RAD18: variants seen among roughly 807,000 people sequenced by gnomAD.
RAD18 encodes E3 ubiquitin-protein ligase RAD18.
Under a neutral mutation model 60.4 loss-of-function variants are expected in RAD18, and 47 were observed. The ratio of observed to expected loss-of-function variants is 0.78; its 90% CI spans 0.62 to 0.99. RAD18 has a LOEUF of 0.99. Ranked by LOEUF, RAD18 falls within the 50% of genes least tolerant of loss-of-function variation. RAD18 has a pLI of 0.00. For synonymous variants in RAD18, 225 were observed against 195.5 expected (o/e 1.15, Z -1.26); for missense variants, 640 against 593.3 (o/e 1.08, Z -0.82).
intron 11 of RAD18, among the ~76,000 whole-genome samples, chr3:8,898,424 CTATA>C (rs756832652): frequency 1.7e-4 from 26 of 149,496 alleles, no homozygotes; most frequent in Non-Finnish European, 2.9e-4. Context: ...AAAATAAACC[CTATA>C]TATTTTTTAA....
chr3:8,928,740 T>C (rs1330170549), intron 7 of RAD18, among the ~76,000 whole-genome samples: 4 of 152,200 alleles, frequency 2.6e-5, no homozygotes, highest in African/African-American at 7.2e-5. Context: ...TGCTGAAGAC[T>C]TGAATATACT....
chr3:8,949,664 GGA>G (rs1002291310), intron 2 of RAD18, among the ~76,000 whole-genome samples: 4 of 149,488 alleles, frequency 2.7e-5, no homozygotes, highest in Non-Finnish European at 2.9e-5. Flanking sequence ...TCCCCGAACT[GGA>G]GAGAGAGAGG....
At chr3:8,907,943 G>A (rs1940041078) in intron 9 of RAD18, among the ~76,000 whole-genome samples, 1 of 152,178 alleles carries the variant, frequency 6.6e-6, no homozygotes, top group Non-Finnish European at 1.5e-5. Context: ...CTCTTGCAAG[G>A]AGTGGCCAGC....
In RAD18 at chr3:8,921,313, A is replaced by G. The variant is rs565122777; in HGVS notation, c.890-7593T>C. ...GCAAAATTAAGACTTTTTCAGACAA[A>G]CAGAAGCTGAGAGAATCTGTCTCAA... On this transcript the variant is annotated intron_variant, in intron 7 of 12. Transcript: ENST00000264926. Among the ~76,000 whole-genome samples, 55 of 152,302 alleles carry G rather than the reference A, an allele frequency of 3.6e-4. No homozygotes were observed. The South Asian group carries it at 0.011, about 31-fold the overall frequency.
intron 11 of RAD18, among the ~76,000 whole-genome samples, chr3:8,894,177 G>A (rs1939745623): frequency 6.6e-6 from 1 of 152,138 alleles, no homozygotes; most frequent in South Asian, 2.1e-4. Context: ...CCAGAGTTAA[G>A]AATACGCTCT....
At chr3:8,939,750 A>T (rs1940715812) in intron 5 of RAD18, 97 bp from the exon 6 acceptor site, 3 of 1,019,652 alleles carry the variant, frequency 2.9e-6, no homozygotes, top group Non-Finnish European at 4.3e-6. Context: ...GTAAAAAAGA[A>T]TCCCAACTTA....
intron 12 of RAD18, among the ~76,000 whole-genome samples, chr3:8,888,194 C>T (rs45488692): frequency 2.6e-5 from 4 of 152,296 alleles, no homozygotes; most frequent in East Asian, 1.9e-4. Flanking sequence ...TGGACCTGCA[C>T]GGTGTGCCAT....
intron 1 of RAD18, among the ~76,000 whole-genome samples, chr3:8,959,303 C>A (rs1941060328): frequency 1.3e-5 from 2 of 152,214 alleles, no homozygotes; most frequent in Admixed American, 6.5e-5. Flanking sequence ...ACTTCTGTTC[C>A]ACTTCTAATG....
chr3:8,937,767 A>C (rs899658818), intron 6 of RAD18, among the ~76,000 whole-genome samples: 12 of 152,182 alleles, frequency 7.9e-5, no homozygotes, highest in Admixed American at 7.9e-4. Context: ...GTAACCCTTA[A>C]TGTAGGACTT....
intron 7 of RAD18, 102 bp from the exon 8 acceptor site, chr3:8,913,822 G>T: frequency 1.6e-6 from 1 of 637,824 alleles, no homozygotes; most frequent in South Asian, 3.6e-5. Context: ...ATGGGTGATG[G>T]GTATATGTGA....
At chr3:8,899,181 G>A (rs1939857256) in intron 10 of RAD18, 134 bp from the exon 11 acceptor site, 1 of 582,500 alleles carries the variant, frequency 1.7e-6, no homozygotes, top group East Asian at 3.1e-5. Flanking sequence ...GAACTCTAGT[G>A]ACAGCCAGAG....
At chr3:8,902,642 A>C (rs915944115) in intron 9 of RAD18, 122 bp from the exon 10 acceptor site, 1 of 989,176 alleles carries the variant, frequency 1.0e-6, no homozygotes, top group Non-Finnish European at 1.4e-6. Flanking sequence ...CTGTAATCCC[A>C]GCACTTCAGG....
In RAD18 at chr3:8,941,525, G is replaced by C. The variant is rs1427715123; in HGVS notation, c.546C>G (p.Pro182=). The change falls in exon 5 of 13, where the codon CCC becomes CCG. Residue 182 remains proline, a synonymous_variant. Coordinates refer to ENST00000264926, the MANE Select transcript of RAD18 (RefSeq NM_020165.4). ...GTGGCTCAGGACGCTTAGCCTCTGAGGGATCTGGAGCGATCTCTTCTACAG... is the reference window on the plus strand; with the variant it reads ...GTGGCTCAGGACGCTTAGCCTCTGACGGATCTGGAGCGATCTCTTCTACAG... ...TRSVEEIAPD[P]SEAKRPEPPS... 1 of 1,613,870 alleles carries C rather than the reference G, an allele frequency of 6.2e-7. No individual in the cohort carries two copies. The highest frequency in any genetic ancestry group is 1.3e-5 in the African/African-American group (1 of 74,920).
Position 8,879,002 on chromosome 3 carries a change from G to A in RAD18, c.*2355C>T. ...TAAGTTCCTTAATCTTTGTCAGATG[G>A]ATATGAACATACATTTCTTTCAATG... is the stretch of plus-strand genomic sequence containing the variant. On this transcript the variant is annotated 3_prime_UTR_variant, in exon 13 of 13. Coordinates refer to ENST00000264926, the MANE Select transcript of RAD18 (RefSeq NM_020165.4). 6.6e-6 allele frequency: 1 copy of A among 152,198 alleles called. No individual in the cohort carries two copies. Among genetic ancestry groups the A allele is most frequent in the Non-Finnish European group, 1.5e-5 (1 of 68,032 alleles). 9.4% of individuals were successfully genotyped at this position (152,198 alleles called of 1,614,324 possible).
intron 2 of RAD18, among the ~76,000 whole-genome samples, chr3:8,955,656 T>A (rs569990542): frequency 6.6e-6 from 1 of 152,308 alleles, no homozygotes; most frequent in Non-Finnish European, 1.5e-5. Context: ...GCTGATGGCT[T>A]ACAGCAACTC....
chr3:8,887,011 G>A (rs45495795), intron 12 of RAD18, among the ~76,000 whole-genome samples: 25 of 152,316 alleles, frequency 1.6e-4, no homozygotes, highest in African/African-American at 5.5e-4. Flanking sequence ...ACTGGTAACA[G>A]ACCAAGGCAG....
In RAD18 at chr3:8,893,255, T is replaced by G. The variant is rs962755162; in HGVS notation, c.1323-2804A>C. Among the ~76,000 whole-genome samples the G allele has an allele frequency of 2.0e-5, 3 of 152,144 alleles. No individual in the cohort carries two copies. In the South Asian group the frequency reaches 6.2e-4, roughly 31 times the overall value. ...CGGGGTAGGAAAAAACGCAAACATC[T>G]GCTATAAAAATCCTGAGGATTAAGG... On this transcript the variant is annotated intron_variant, in intron 11 of 12. Transcript: ENST00000264926.
chr3:8,914,043 G>A (rs1164243554), intron 7 of RAD18, among the ~76,000 whole-genome samples: 1 of 152,146 alleles, frequency 6.6e-6, no homozygotes, highest in Admixed American at 6.5e-5. Context: ...TAATTTTTTA[G>A]TGTGAGTTCA....
chr3:8,928,513 T>A (rs753926365), intron 7 of RAD18, among the ~76,000 whole-genome samples: 5 of 152,148 alleles, frequency 3.3e-5, no homozygotes, highest in Non-Finnish European at 5.9e-5. Context: ...ATCAGATAGA[T>A]TTTTGAGGCA....
Sources: gnomAD v4.1 joint callset for allele counts (sites outside exome capture counted in the v4.1 genomes callset) on GRCh38, gnomAD v4.1.1 for gene constraint, MANE v1.5 for transcripts, NCBI Gene and HGNC (gene_info 2026-07-23, HGNC 2026-07-21) for gene names.